The following SFXN5 variants were observed in gnomAD, a reference collection of about 807,000 sequenced individuals.
The protein encoded by SFXN5 is sideroflexin 5, also known as sideroflexin-5.
SFXN5 carries 43 observed loss-of-function variants against 50.2 expected under a neutral mutation model. The ratio of observed to expected loss-of-function variants is 0.86; its 90% CI spans 0.67 to 1.11. SFXN5 has a LOEUF of 1.11. SFXN5 is among the 50% of genes least tolerant of loss of function. The probability of loss-of-function intolerance (pLI) is 0.00; values close to 1 mark genes in which losing one functional copy is unlikely to be tolerated. For synonymous variants in SFXN5, 203 were observed against 185.8 expected, an observed-to-expected ratio of 1.09 and a Z score of -0.75; for missense variants, 463 against 454.1, an observed-to-expected ratio of 1.02 and a Z score of -0.18.
At chr2:72,951,981 C>G (rs998108009) in intron 13 of SFXN5, among the ~76,000 whole-genome samples, 16 of 152,214 alleles carry the variant, frequency 1.1e-4, no homozygotes, top group Non-Finnish European at 1.9e-4. Context: ...CACACACATC[C>G]AGGCCCCACC....
intron 1 of SFXN5, among the ~76,000 whole-genome samples, chr2:73,068,787 T>C (rs568150894): frequency 6.6e-6 from 1 of 151,206 alleles, no homozygotes; most frequent in Non-Finnish European, 1.5e-5. Context: ...CACAAATCAA[T>C]GTATACACCG....
intron 10 of SFXN5, among the ~76,000 whole-genome samples, chr2:72,976,631 T>C (rs140549944): frequency 1.3e-4 from 20 of 152,238 alleles, no homozygotes; most frequent in Admixed American, 3.3e-4. Flanking sequence ...TAACAACCAA[T>C]GCCCAAAAAA....
intron 2 of SFXN5, among the ~76,000 whole-genome samples, chr2:73,054,933 C>G (rs188098400): frequency 6.6e-6 from 1 of 152,310 alleles, no homozygotes; most frequent in African/African-American, 2.4e-5. Flanking sequence ...CCAGACAGAG[C>G]CCAGGTAAGC....
At position 72,943,306 on chromosome 2, in the gene SFXN5, C is replaced by G. The variant is rs1671619610; in HGVS notation, c.*1716G>C. 1 of 152,308 alleles carries G rather than the reference C, an allele frequency of 6.6e-6. No homozygotes were observed. Among genetic ancestry groups the G allele is most frequent in the Admixed American group, 6.5e-5 (1 of 15,294 alleles). The allele number at this position is 152,308 out of a possible 1,614,324, so 9.4% of individuals were successfully genotyped here. A position where few individuals can be genotyped will look rare whatever the true frequency, so the allele number is the denominator to read the frequency against. On this transcript the variant is annotated 3_prime_UTR_variant, in exon 14 of 14. Coordinates refer to ENST00000272433, the MANE Select transcript of SFXN5 (RefSeq NM_144579.3). Reference sequence around the variant, plus strand: ...CTAAGATGCCACCCTGCAGCGGCCTCTTCCTACACATGAATGTTCACCTCT... The same window carrying G: ...CTAAGATGCCACCCTGCAGCGGCCTGTTCCTACACATGAATGTTCACCTCT...
intron 10 of SFXN5, among the ~76,000 whole-genome samples, chr2:72,980,255 C>A (rs556134685): frequency 2.0e-5 from 3 of 152,124 alleles, no homozygotes; most frequent in Non-Finnish European, 4.4e-5. Flanking sequence ...CTAAACTTTA[C>A]CCCCTCCCCA....
At chr2:72,994,639 C>G (rs1446449987) in intron 9 of SFXN5, among the ~76,000 whole-genome samples, 1 of 152,122 alleles carries the variant, frequency 6.6e-6, no homozygotes, top group Admixed American at 6.5e-5. Context: ...TCCAGCCCCA[C>G]GTCCACCCTC....
chr2:72,988,416 G>T, intron 9 of SFXN5, 68 bp from the exon 10 acceptor site: 1 of 1,380,404 alleles, frequency 7.2e-7, no homozygotes, highest in Non-Finnish European at 1.0e-6. Flanking sequence ...GGAGGAGGGG[G>T]CAGAACTGGA....
chr2:73,056,187 T>C (rs1031485378), intron 2 of SFXN5, among the ~76,000 whole-genome samples: 8 of 152,052 alleles, frequency 5.3e-5, no homozygotes, highest in Admixed American at 4.6e-4. Context: ...TATATGTACA[T>C]ATATTCCTAC....
At chr2:72,991,915 G>A (rs1483043716) in intron 9 of SFXN5, among the ~76,000 whole-genome samples, 1 of 152,198 alleles carries the variant, frequency 6.6e-6, no homozygotes, top group Non-Finnish European at 1.5e-5. Context: ...GGTCCCCCAG[G>A]ATCTGTTTTA....
Position 72,944,870 on chromosome 2 carries a change from G to T in SFXN5, c.*152C>A. Reference sequence around the variant, plus strand: ...CCTATGTTAAAATGTGAATGGGTCAGTCTCCCTCCACTGTAGGTTGAGCAC... The same window carrying T: ...CCTATGTTAAAATGTGAATGGGTCATTCTCCCTCCACTGTAGGTTGAGCAC... On this transcript the variant is annotated 3_prime_UTR_variant, in exon 14 of 14. Transcript: ENST00000272433. 3 of 626,862 alleles carry T rather than the reference G, an allele frequency of 4.8e-6. No individual in the cohort carries two copies. Among genetic ancestry groups the T allele is most frequent in the South Asian group, 4.0e-5 (2 of 50,052 alleles). The allele number at this position is 626,862 out of a possible 1,614,324, so 38.8% of individuals were successfully genotyped here.
At chr2:73,057,377 T>G (rs1682285937) in intron 2 of SFXN5, among the ~76,000 whole-genome samples, 1 of 152,120 alleles carries the variant, frequency 6.6e-6, no homozygotes, top group South Asian at 2.1e-4. Flanking sequence ...CCCAGGAGGA[T>G]AACTCCTGCC....
rs141895428 is a variant in SFXN5, at chr2:73,026,659, C to A, written c.250-3445G>T. ...TATAAAAGCCTAGCACAACACCTGA[C>A]AATAATAAACGTTACTCATTTATAT... is the stretch of plus-strand genomic sequence containing the variant. On this transcript the variant is annotated intron_variant, in intron 3 of 13. Transcript: ENST00000272433. Among the ~76,000 whole-genome samples the A allele has an allele frequency of 5.3e-5, 8 of 152,244 alleles. No homozygotes were observed. In the East Asian group the frequency reaches 1.5e-3, roughly 29 times the overall value.
chr2:72,999,023 C>G lies in SFXN5; in HGVS notation c.469-9G>C. The G allele has an allele frequency of 6.2e-7, 1 of 1,614,090 alleles. No homozygotes were observed. Among genetic ancestry groups the G allele is most frequent in the East Asian group, 2.2e-5 (1 of 44,882 alleles). On this transcript the variant is annotated splice_polypyrimidine_tract_variant and intron_variant, in intron 8 of 13. Transcript: ENST00000272433. ...TTGGATGCAGGTGAAGGCTGGAAAA[C>G]AGAGGCAGAATTTCAGGCCTGCTGG...
intron 13 of SFXN5, among the ~76,000 whole-genome samples, chr2:72,952,075 C>T (rs567940509): frequency 6.6e-6 from 1 of 152,352 alleles, no homozygotes; most frequent in South Asian, 2.1e-4. Flanking sequence ...AGCCTAGACC[C>T]CTGGACCCCT....
At chr2:72,989,191 C>G (rs547362304) in intron 9 of SFXN5, among the ~76,000 whole-genome samples, 1 of 152,188 alleles carries the variant, frequency 6.6e-6, no homozygotes, top group Admixed American at 6.5e-5. Flanking sequence ...TGCTGCCCAT[C>G]AGATCCTCCG....
chr2:72,951,589 G>T, intron 13 of SFXN5, among the ~76,000 whole-genome samples: 1 of 152,254 alleles, frequency 6.6e-6, no homozygotes, highest in African/African-American at 2.4e-5. Flanking sequence ...GCTAAGGTGC[G>T]GAGACATAAA....
intron 2 of SFXN5, among the ~76,000 whole-genome samples, chr2:73,041,359 C>T (rs2105926301): frequency 6.6e-6 from 1 of 152,270 alleles, no homozygotes; most frequent in Non-Finnish European, 1.5e-5. Flanking sequence ...CAAGACTTGG[C>T]AAGGGGTGTC....
intron 3 of SFXN5, among the ~76,000 whole-genome samples, chr2:73,030,736 C>T (rs145147038): frequency 6.6e-6 from 1 of 152,200 alleles, no homozygotes; most frequent in Non-Finnish European, 1.5e-5. Context: ...AGTGGAATCA[C>T]ATAGTATTTA....
intron 6 of SFXN5, among the ~76,000 whole-genome samples, chr2:73,013,169 T>A (rs1675748447): frequency 1.3e-5 from 2 of 152,174 alleles, no homozygotes; most frequent in Non-Finnish European, 2.9e-5. Flanking sequence ...CTCATTAAAA[T>A]TAAAGGCAGT....
Sources: allele counts gnomAD v4.1 joint callset (sites outside exome capture counted in the v4.1 genomes callset), GRCh38; gene constraint gnomAD v4.1.1; transcripts MANE v1.5; gene names NCBI Gene and HGNC (gene_info 2026-07-23, HGNC 2026-07-21).